The following MNAT1 variants were observed in gnomAD, a reference collection of about 807,000 sequenced individuals.
MNAT1 encodes CDK-activating kinase assembly factor MAT1.
A neutral mutation model predicts 42.0 loss-of-function variants in MNAT1; 43 were observed. The observed-to-expected ratio is 1.02, with a 90% CI of 0.80 to 1.32. The LOEUF (loss-of-function observed/expected upper bound fraction) is 1.32, where lower values mean the gene tolerates loss of function less well. Ranked by LOEUF, MNAT1 falls within the 40% of genes most tolerant of loss-of-function variation. The probability of loss-of-function intolerance (pLI) is 0.00; values close to 1 mark genes in which losing one functional copy is unlikely to be tolerated. For missense variants in MNAT1, 306 were observed against 350.4 expected (o/e 0.87, Z 1.01); for synonymous variants, 118 against 120.0 (o/e 0.98, Z 0.11).
In MNAT1 at chr14:60,856,444, A is replaced by C. The variant is rs147996748; in HGVS notation, c.688-23270A>C. Among the ~76,000 whole-genome samples, 569 of 152,306 alleles carry C rather than the reference A, an allele frequency of 3.7e-3. 1 individual carries two copies. Among genetic ancestry groups the C allele is most frequent in the Admixed American group, 7.5e-3 (115 of 15,294 alleles). On this transcript the variant is annotated intron_variant, in intron 6 of 7. Transcript: ENST00000261245. ...GAAAAGTCTGAAGCTAGCAGAAGTTAATTCATGGAATTTAAGGAAAGATGC... is the reference window on the plus strand; with the variant it reads ...GAAAAGTCTGAAGCTAGCAGAAGTTCATTCATGGAATTTAAGGAAAGATGC...
At chr14:60,877,039 T>A (rs188568551) in intron 6 of MNAT1, among the ~76,000 whole-genome samples, 1 of 152,200 alleles carries the variant, frequency 6.6e-6, no homozygotes, top group East Asian at 1.9e-4. Flanking sequence ...TATACCGTTT[T>A]ACATTCCCAC....
intron 7 of MNAT1, among the ~76,000 whole-genome samples, chr14:60,908,256 T>A (rs1391695385): frequency 6.6e-6 from 1 of 152,238 alleles, no homozygotes; most frequent in Non-Finnish European, 1.5e-5. Flanking sequence ...AATAATTATG[T>A]GTACAAAGTG....
chr14:60,786,118 T>G (rs938275638), intron 1 of MNAT1, among the ~76,000 whole-genome samples: 2 of 151,916 alleles, frequency 1.3e-5, no homozygotes, highest in South Asian at 4.1e-4. Flanking sequence ...AATAGAAAAG[T>G]AGAAATTAGT....
At chr14:60,803,781 TG>T (rs1280380142) in intron 3 of MNAT1, among the ~76,000 whole-genome samples, 3 of 152,178 alleles carry the variant, frequency 2.0e-5, no homozygotes, top group Non-Finnish European at 4.4e-5. Flanking sequence ...GTAATTTTGT[TG>T]TATAAATTTC....
chr14:60,968,638 C>A lies in MNAT1; in HGVS notation c.*289C>A. 2.9e-6 allele frequency: 2 copies of A among 679,874 alleles called. No homozygotes were observed. The highest frequency in any genetic ancestry group is 4.3e-6 in the Non-Finnish European group (2 of 465,402). The allele number at this position is 679,874 out of a possible 1,614,324, so 42.1% of individuals were successfully genotyped here. A position where few individuals can be genotyped will look rare whatever the true frequency, so the allele number is the denominator to read the frequency against. Reference sequence around the variant, plus strand: ...TATATGTGTTTGAGGTTGTGACAGACTTATAAAATCTTTTTAAAAAATAAA... The same window carrying A: ...TATATGTGTTTGAGGTTGTGACAGAATTATAAAATCTTTTTAAAAAATAAA... On this transcript the variant is annotated 3_prime_UTR_variant, in exon 8 of 8. Coordinates refer to ENST00000261245, the MANE Select transcript of MNAT1 (RefSeq NM_002431.4).
chr14:60,790,078 A>G (rs2031770333), intron 1 of MNAT1, among the ~76,000 whole-genome samples: 1 of 152,156 alleles, frequency 6.6e-6, no homozygotes, highest in Non-Finnish European at 1.5e-5. Flanking sequence ...TCAAAGAGTA[A>G]TTGTGCAATG....
At position 60,753,044 on chromosome 14, in the gene MNAT1, C is replaced by T. The variant is rs142148728; in HGVS notation, c.89+18093C>T. ...CCTCCCAGAGTGCTGGGATTACAGG[C>T]GTGAGCCACCGCACCTGGCTTGCAC... On this transcript the variant is annotated intron_variant, in intron 1 of 7. Transcript: ENST00000261245. 2.9e-3 allele frequency among the ~76,000 whole-genome samples: 438 copies of T among 152,332 alleles called. 4 individuals are homozygous for T. Among genetic ancestry groups the T allele is most frequent in the Middle Eastern group, 0.02 (6 of 294 alleles).
At chr14:60,883,496 G>A (rs1236622132) in intron 7 of MNAT1, among the ~76,000 whole-genome samples, 1 of 152,038 alleles carries the variant, frequency 6.6e-6, no homozygotes, top group African/African-American at 2.4e-5. Flanking sequence ...AGTATTTGAA[G>A]TCAGGTAATA....
intron 6 of MNAT1, among the ~76,000 whole-genome samples, chr14:60,832,542 T>C (rs1033622373): frequency 6.6e-6 from 1 of 152,192 alleles, no homozygotes; most frequent in Non-Finnish European, 1.5e-5. Context: ...TCTATATATC[T>C]GTTTTGGTAC....
intron 6 of MNAT1, among the ~76,000 whole-genome samples, chr14:60,834,002 C>A (rs1216674473): frequency 6.6e-6 from 1 of 152,148 alleles, no homozygotes; most frequent in Non-Finnish European, 1.5e-5. Flanking sequence ...GTTTGTATTT[C>A]TGTGGGATCA....
intron 6 of MNAT1, among the ~76,000 whole-genome samples, chr14:60,828,834 G>A (rs2033136798): frequency 6.6e-6 from 1 of 152,236 alleles, no homozygotes; most frequent in Admixed American, 6.5e-5. Flanking sequence ...AAACACTTAT[G>A]TCTACTGATT....
intron 7 of MNAT1, among the ~76,000 whole-genome samples, chr14:60,951,446 T>G (rs114501177): frequency 2.6e-3 from 400 of 152,072 alleles, no homozygotes; most frequent in African/African-American, 9.2e-3. Context: ...GGGGGAGAGC[T>G]CTACTGTATT....
intron 7 of MNAT1, among the ~76,000 whole-genome samples, chr14:60,960,596 C>G (rs991749385): frequency 6.6e-6 from 1 of 152,098 alleles, no homozygotes; most frequent in African/African-American, 2.4e-5. Context: ...TGGGATCTTT[C>G]CCTTCTTTCC....
At chr14:60,800,614 C>T (rs1011140093) in intron 3 of MNAT1, among the ~76,000 whole-genome samples, 1 of 152,090 alleles carries the variant, frequency 6.6e-6, no homozygotes. Flanking sequence ...AGAAGCAAAA[C>T]TCTAAAATCT....
At chr14:60,737,776 C>G (rs540239503) in intron 1 of MNAT1, among the ~76,000 whole-genome samples, 1 of 151,912 alleles carries the variant, frequency 6.6e-6, no homozygotes, top group Admixed American at 6.6e-5. Flanking sequence ...TTGTTCCTAC[C>G]TGTAATCCTA....
At chr14:60,829,900 C>A (rs572694048) in intron 6 of MNAT1, among the ~76,000 whole-genome samples, 124 of 152,278 alleles carry the variant, frequency 8.1e-4, no homozygotes, top group Admixed American at 3.1e-3. Context: ...GAGTGCCAAT[C>A]TGCCTATCAG....
At chr14:60,860,315 T>G (rs1403084596) in intron 6 of MNAT1, among the ~76,000 whole-genome samples, 1 of 151,746 alleles carries the variant, frequency 6.6e-6, no homozygotes, top group Non-Finnish European at 1.5e-5. Context: ...TTTATTTAAT[T>G]CTTTACAAGT....
chr14:60,946,128 C>T (rs1323230381), intron 7 of MNAT1, among the ~76,000 whole-genome samples: 1 of 152,134 alleles, frequency 6.6e-6, no homozygotes, highest in Non-Finnish European at 1.5e-5. Context: ...AATTGGTCTC[C>T]CTCCCTCTTT....
intron 6 of MNAT1, among the ~76,000 whole-genome samples, chr14:60,870,451 G>A (rs1313314082): frequency 2.0e-5 from 3 of 151,968 alleles, no homozygotes; most frequent in Admixed American, 1.3e-4. Flanking sequence ...AAACAGAAAG[G>A]GCTTTAGTTT....
Sources: gnomAD v4.1 joint callset for allele counts (sites outside exome capture counted in the v4.1 genomes callset) on GRCh38, gnomAD v4.1.1 for gene constraint, MANE v1.5 for transcripts, NCBI Gene and HGNC (gene_info 2026-07-23, HGNC 2026-07-21) for gene names.